Variants in SGCB observed in about 807,000 individuals in gnomAD.
SGCB encodes sarcoglycan beta, also known as beta-sarcoglycan.
Under a neutral mutation model 27.3 loss-of-function variants are expected in SGCB, and 25 were observed. The observed-to-expected ratio is 0.92, with a 90% CI of 0.67 to 1.28. The LOEUF (loss-of-function observed/expected upper bound fraction) is 1.28. SGCB is among the 50% of genes most tolerant of loss of function. The pLI is 0.00. For synonymous variants in SGCB, 147 were observed against 133.5 expected, an observed-to-expected ratio of 1.10 and a Z score of -0.70; for missense variants, 436 against 402.1, an observed-to-expected ratio of 1.08 and a Z score of -0.72.
In SGCB at chr4:52,028,980, C is replaced by T. The variant is rs572327013; in HGVS notation, c.430-59G>A. ...TCAAAGAAGACTGCAAACAAAATTC[C>T]TGAACAATATATTTTAAAAATTACA... On this transcript the variant is annotated intron_variant, in intron 3 of 5. Coordinates refer to ENST00000381431, the MANE Select transcript of SGCB (RefSeq NM_000232.5). The T allele has an allele frequency of 1.6e-4, 208 of 1,273,608 alleles. 2 individuals carry two copies. The South Asian group carries it at 2.4e-3, about 15-fold the overall frequency. The allele number at this position is 1,273,608 out of a possible 1,614,324, so 78.9% of individuals were successfully genotyped here. A position where few individuals can be genotyped will look rare whatever the true frequency, so the allele number is the denominator to read the frequency against.
At chr4:52,024,928 A>G (rs1198827038) in intron 5 of SGCB, among the ~76,000 whole-genome samples, 1 of 151,968 alleles carries the variant, frequency 6.6e-6, no homozygotes, top group East Asian at 1.9e-4. Context: ...GATTCAAACC[A>G]TATAATTTGA....
In SGCB at chr4:52,029,750, G is replaced by A. The variant is rs2109371913; in HGVS notation, c.357C>T (p.Ile119=). ...RFKQVSDMGV[I]HPLYKSTVGG... ...CTACTGTGCTTTTATAAAGAGGGTGGATCACTCCCATGTCAGATACTTGCT... is the reference window on the plus strand; with the variant it reads ...CTACTGTGCTTTTATAAAGAGGGTGAATCACTCCCATGTCAGATACTTGCT... The change falls in exon 3 of 6, where the codon ATC becomes ATT. Residue 119 remains isoleucine, a synonymous_variant. Transcript: ENST00000381431. 3 of 1,613,450 alleles carry A rather than the reference G, an allele frequency of 1.9e-6. No homozygotes were observed. The highest frequency in any genetic ancestry group is 2.5e-6 in the Non-Finnish European group (3 of 1,179,628).
chr4:52,034,915 A>G (rs192038450), intron 1 of SGCB, among the ~76,000 whole-genome samples: 2 of 152,354 alleles, frequency 1.3e-5, no homozygotes, highest in East Asian at 1.9e-4. Flanking sequence ...GTATGCTTGT[A>G]TAGCCCTGTA....
intron 2 of SGCB, among the ~76,000 whole-genome samples, chr4:52,031,636 G>GT (rs1271316576): frequency 2.6e-5 from 4 of 151,748 alleles, no homozygotes; most frequent in South Asian, 2.1e-4. Flanking sequence ...TAGGGCTTTT[G>GT]TTTTTTTGGT....
rs542522349 is a variant in SGCB, at chr4:52,023,979, T to C, written c.935A>G (p.Asn312Ser). The C allele has an allele frequency of 8.1e-6, 13 of 1,614,130 alleles. No homozygotes were observed. Among genetic ancestry groups the C allele is most frequent in the Middle Eastern group, 3.3e-4 (2 of 6,054 alleles). Residue 312 changes from asparagine to serine, a missense_variant, in exon 6 of 6, where the codon AAC (asparagine) becomes AGC (serine). Physicochemically the swap from Asn to Ser is conservative, Grantham distance 46. Coordinates refer to ENST00000381431, the MANE Select transcript of SGCB (RefSeq NM_000232.5). ...CTTTTAATGAGTGTTTCCACAGGGG[T>C]TGTCTGAGATTTGGCAGCCCATGTT... The part of the protein sequence containing the change: ...SQNMGCQISD[N>S]PCGNTH
At chr4:52,038,160 G>A in intron 1 of SGCB, 67 bp downstream of exon 1, 1 of 1,105,248 alleles carries the variant, frequency 9.0e-7, no homozygotes, top group Admixed American at 5.5e-5. Context: ...GGGCTCCCGC[G>A]GGCCCAGCCG....
chr4:52,031,305 GT>G (rs370818227), intron 2 of SGCB, among the ~76,000 whole-genome samples: 14 of 151,846 alleles, frequency 9.2e-5, no homozygotes, highest in East Asian at 1.9e-4. Flanking sequence ...TTCTGGAAGA[GT>G]TTTTTTATCT....
At chr4:52,030,117 C>T (rs368087433) in intron 2 of SGCB, among the ~76,000 whole-genome samples, 6 of 152,146 alleles carry the variant, frequency 3.9e-5, no homozygotes, top group Admixed American at 3.9e-4. Flanking sequence ...ATTTTTTCTA[C>T]CCTCTCCACA....
In SGCB at chr4:52,024,085, A is replaced by T; in HGVS notation, c.829T>A (p.Leu277Met). 1 of 1,613,794 alleles carries T rather than the reference A, an allele frequency of 6.2e-7. No individual in the cohort carries two copies. Among genetic ancestry groups the T allele is most frequent in the South Asian group, 1.1e-5 (1 of 91,066 alleles). Reference sequence around the variant, plus strand: ...TAGCGTACCCAGTCACCACTACCCAACTGGTCTCCACTGGAGGAACTGGGT... The same window carrying T: ...TAGCGTACCCAGTCACCACTACCCATCTGGTCTCCACTGGAGGAACTGGGT... ...RLPSSSSGDQ[L>M]GSGDWVRYKL... The change falls in exon 6 of 6, where the codon TTG (leucine) becomes ATG (methionine). Residue 277 changes from leucine to methionine, a missense_variant. By Grantham distance (15) the Leu-to-Met change is conservative (BLOSUM62 2). Coordinates refer to ENST00000381431, the MANE Select transcript of SGCB (RefSeq NM_000232.5).
intron 4 of SGCB, 87 bp from the exon 5 acceptor site, chr4:52,028,186 CATGAGAG>C: frequency 1.9e-6 from 2 of 1,054,634 alleles, no homozygotes; most frequent in Non-Finnish European, 2.9e-6. Context: ...AAGCTTCAGT[CATGAGAG>C]ATGAAAGTCA....
intron 2 of SGCB, among the ~76,000 whole-genome samples, chr4:52,032,684 A>C (rs749293174): frequency 1.1e-4 from 16 of 152,226 alleles, no homozygotes; most frequent in Non-Finnish European, 2.4e-4. Context: ...CCTTGCATGC[A>C]TTAGAAGTAG....
Position 52,021,203 on chromosome 4 carries a change from CG to C in SGCB, c.*2753del. The C allele has an allele frequency of 6.6e-6, 1 of 152,262 alleles. No homozygotes were observed. Among genetic ancestry groups the C allele is most frequent in the Non-Finnish European group, 1.5e-5 (1 of 68,058 alleles). The allele number at this position is 152,262 out of a possible 1,614,324, so 9.4% of individuals were successfully genotyped here. Reference sequence around the variant, plus strand: ...ACTAGCATGTACCTGCGCCCCCTCCCGGGGTCCTATCTTTGTCACCCACCTC... The same window carrying C: ...ACTAGCATGTACCTGCGCCCCCTCCCGGGTCCTATCTTTGTCACCCACCTC... On this transcript the variant is annotated 3_prime_UTR_variant, in exon 6 of 6. Coordinates refer to ENST00000381431, the MANE Select transcript of SGCB (RefSeq NM_000232.5).
chr4:52,029,752 T>A lies in SGCB; in HGVS notation c.355A>T (p.Ile119Phe), dbSNP rs762412447. 6.2e-6 allele frequency: 10 copies of A among 1,613,760 alleles called. No homozygotes were observed. The South Asian group carries it at 1.1e-4, about 18-fold the overall frequency. ...ACTGTGCTTTTATAAAGAGGGTGGA[T>A]CACTCCCATGTCAGATACTTGCTTA... ...RFKQVSDMGV[I>F]HPLYKSTVGG... The change falls in exon 3 of 6, where the codon ATC becomes TTC. Residue 119 changes from isoleucine to phenylalanine, a missense_variant. By Grantham distance (21) the Ile-to-Phe change is conservative. Transcript: ENST00000381431.
rs764749125 is a variant in SGCB at position 52,029,746 on chromosome 4, G to A, written c.361C>T (p.Pro121Ser). 4 of 1,613,510 alleles carry A rather than the reference G, an allele frequency of 2.5e-6. No homozygotes were observed. The East Asian group carries it at 6.7e-5, about 27-fold the overall frequency. Residue 121 changes from proline to serine, a missense_variant, in exon 3 of 6, where the codon CCT (proline) becomes TCT (serine). Coordinates refer to ENST00000381431, the MANE Select transcript of SGCB (RefSeq NM_000232.5). ...CCTCCTACTGTGCTTTTATAAAGAG[G>A]GTGGATCACTCCCATGTCAGATACT... is the stretch of plus-strand genomic sequence containing the variant. ...KQVSDMGVIH[P>S]LYKSTVGGRR...
In SGCB at chr4:52,023,675, G is replaced by C; in HGVS notation, c.*282C>G. 2.6e-6 allele frequency: 1 copy of C among 380,548 alleles called. No homozygotes were observed. The highest frequency in any genetic ancestry group is 2.6e-5 in the South Asian group (1 of 38,744). The allele number at this position is 380,548 out of a possible 1,614,324, so 23.6% of individuals were successfully genotyped here. On this transcript the variant is annotated 3_prime_UTR_variant, in exon 6 of 6. Coordinates refer to ENST00000381431, the MANE Select transcript of SGCB (RefSeq NM_000232.5). ...ACCTTTAACCTTTAGAAAAGGGATA[G>C]TGGAATTTTAAAAACACGTCTTTAA...
chr4:52,028,969 A>C lies in SGCB; in HGVS notation c.430-48T>G, dbSNP rs771401569. On this transcript the variant is annotated intron_variant, in intron 3 of 5. Coordinates refer to ENST00000381431, the MANE Select transcript of SGCB (RefSeq NM_000232.5). Reference sequence around the variant, plus strand: ...TGAATATATTTTCAAAGAAGACTGCAAACAAAATTCCTGAACAATATATTT... The same window carrying C: ...TGAATATATTTTCAAAGAAGACTGCCAACAAAATTCCTGAACAATATATTT... 5.1e-6 allele frequency: 7 copies of C among 1,378,932 alleles called. No individual in the cohort carries two copies. The Admixed American group carries it at 1.2e-4, about 23-fold the overall frequency. 85.4% of individuals were successfully genotyped at this position (1,378,932 alleles called of 1,614,324 possible).
chr4:52,035,117 C>A (rs535754134), intron 1 of SGCB, among the ~76,000 whole-genome samples: 1 of 152,212 alleles, frequency 6.6e-6, no homozygotes, highest in Non-Finnish European at 1.5e-5. Flanking sequence ...ATATCAAGAG[C>A]ACAAAAGAAA....
At chr4:52,026,390 C>T (rs993703777) in intron 5 of SGCB, among the ~76,000 whole-genome samples, 1 of 151,072 alleles carries the variant, frequency 6.6e-6, no homozygotes, top group Non-Finnish European at 1.5e-5. Flanking sequence ...TCCCGGGTAG[C>T]TGGGATTACA....
At chr4:52,026,536 CG>C (rs1173284391) in intron 5 of SGCB, among the ~76,000 whole-genome samples, 1 of 151,974 alleles carries the variant, frequency 6.6e-6, no homozygotes, top group Non-Finnish European at 1.5e-5. Flanking sequence ...AGATTACAGG[CG>C]TAAGTCATCG....
Sources: gnomAD v4.1 joint callset for allele counts (sites outside exome capture counted in the v4.1 genomes callset) on GRCh38, gnomAD v4.1.1 for gene constraint, MANE v1.5 for transcripts, NCBI Gene and HGNC (gene_info 2026-07-23, HGNC 2026-07-21) for gene names.